Variants in MLXIPL observed in about 807,000 individuals in gnomAD.
MLXIPL encodes MLX interacting protein like.
In MLXIPL, 49 loss-of-function variants were observed where a neutral mutation model predicts 81.5. That is an observed-to-expected ratio of 0.60 (90% CI 0.48 to 0.76). The LOEUF (loss-of-function observed/expected upper bound fraction) is 0.76. MLXIPL is among the 30% of genes least tolerant of loss of function. The pLI is 0.00. For missense variants in MLXIPL, 1,053 were observed against 1,167.0 expected (o/e 0.90, Z 1.42); for synonymous variants, 466 against 485.5 (o/e 0.96, Z 0.53).
intron 2 of MLXIPL, among the ~76,000 whole-genome samples, chr7:73,614,669 T>C (rs1554600410): frequency 1.3e-5 from 2 of 152,142 alleles, no homozygotes; most frequent in African/African-American, 4.8e-5. Context: ...GAGTGGGGTG[T>C]TCCCAAATGA....
At chr7:73,600,908 G>T (rs1417734859) in intron 7 of MLXIPL, among the ~76,000 whole-genome samples, 2 of 151,836 alleles carry the variant, frequency 1.3e-5, no homozygotes, top group African/African-American at 2.4e-5. Context: ...CCTGGGCGCC[G>T]CCCGCCCACC....
chr7:73,646,090 CAG>C, the MLXIPL span, among the ~76,000 whole-genome samples: 10 of 152,262 alleles, frequency 6.6e-5, no homozygotes, highest in South Asian at 2.1e-3. Flanking sequence ...TGGCCCTAAC[CAG>C]AGAGTGAGGA....
Position 73,604,215 on chromosome 7 carries a change from C to CA in MLXIPL, c.901+1472dup, listed in dbSNP as rs55693159. Among the ~76,000 whole-genome samples, 143 of 50,044 alleles carry CA rather than the reference C, an allele frequency of 2.9e-3. 6 individuals are homozygous for CA. Among genetic ancestry groups the CA allele is most frequent in the African/African-American group, 3.0e-3 (35 of 11,556 alleles). The allele number at this position is 50,044 out of a possible 152,430, so 32.8% of individuals were successfully genotyped here. A position where few individuals can be genotyped will look rare whatever the true frequency, so the allele number is the denominator to read the frequency against. On this transcript the variant is annotated intron_variant, in intron 7 of 16. Coordinates refer to ENST00000313375, the MANE Select transcript of MLXIPL (RefSeq NM_032951.3). Reference sequence around the variant, plus strand: ...TGGGTGACAGAGTGAGACTCCGTCTCAAAAAAAAAAAAAAAAAAAAAAAAA... The same window carrying CA: ...TGGGTGACAGAGTGAGACTCCGTCTCAAAAAAAAAAAAAAAAAAAAAAAAAA...
At chr7:73,608,453 G>A (rs1795471308) in intron 2 of MLXIPL, among the ~76,000 whole-genome samples, 2 of 152,088 alleles carry the variant, frequency 1.3e-5, no homozygotes, top group Non-Finnish European at 2.9e-5. Flanking sequence ...CGAGCATGGC[G>A]GCACATGCCT....
rs185055989 is a variant in MLXIPL, at chr7:73,614,754, T to A, written c.400+1317A>T. On this transcript the variant is annotated intron_variant, in intron 2 of 16. Transcript: ENST00000313375. ...AGTGGCAACACCCTGGAATACCTGT[T>A]ATCTCCACACCAACCATGAAAGTTA... 3.6e-4 allele frequency among the ~76,000 whole-genome samples: 55 copies of A among 152,076 alleles called. 1 individual carries two copies. Among genetic ancestry groups the A allele is most frequent in the Non-Finnish European group, 7.4e-5 (5 of 68,020 alleles).
Position 73,606,111 on chromosome 7 carries a change from C to A in MLXIPL, c.619G>T (p.Ala207Ser). Residue 207 changes from alanine to serine, a missense_variant and splice_region_variant, in exon 6 of 17, where the codon GCG (alanine) becomes TCG (serine). Physicochemically the swap from Ala to Ser is moderately conservative, Grantham distance 99. Around this residue, in one of 3 missense-constraint regions of MLXIPL, gnomAD observed 823 missense variants for 933.0 expected, o/e 0.88. Coordinates refer to ENST00000313375, the MANE Select transcript of MLXIPL (RefSeq NM_032951.3). The part of the protein sequence containing the change: ...REDDLLAPKQ[A>S]EGRWPPPEQW... ...TCCGGCGGCGGCCACCTGCCTTCCG[C>A]CTAGGGAGACAGAGCCGTCAGCAGC... is the stretch of plus-strand genomic sequence containing the variant. 1 of 1,571,932 alleles carries A rather than the reference C, an allele frequency of 6.4e-7. No homozygotes were observed. Among genetic ancestry groups the A allele is most frequent in the East Asian group, 2.3e-5 (1 of 42,988 alleles).
intron 15 of MLXIPL, 111 bp from the exon 16 acceptor site, chr7:73,594,514 G>T: frequency 7.3e-7 from 1 of 1,360,842 alleles, no homozygotes; most frequent in Non-Finnish European, 1.0e-6. Context: ...ACTGTCTAAC[G>T]TTGAACCCCA....
At chr7:73,601,527 G>A (rs1421506722) in intron 7 of MLXIPL, among the ~76,000 whole-genome samples, 1 of 152,048 alleles carries the variant, frequency 6.6e-6, no homozygotes, top group African/African-American at 2.4e-5. Flanking sequence ...TGGGAAAGGG[G>A]TGCAGGGCGA....
intron 1 of MLXIPL, among the ~76,000 whole-genome samples, chr7:73,621,411 A>G (rs1281517099): frequency 6.6e-6 from 1 of 150,940 alleles, no homozygotes; most frequent in Non-Finnish European, 1.5e-5. Flanking sequence ...TCTCTGGGTC[A>G]GGCTGGTCCC....
rs781803574 is a variant in MLXIPL, at chr7:73,605,893, C to T, written c.820+17G>A. 1.3e-6 allele frequency: 2 copies of T among 1,573,530 alleles called. No homozygotes were observed. Among genetic ancestry groups the T allele is most frequent in the Middle Eastern group, 1.7e-4 (1 of 6,004 alleles). The stretch of plus-strand genomic sequence containing the variant: ...CAGGCCTTCACCCCTCTCCCCTGCC[C>T]TTTCTCAGACCCTCACCATCCTCAG... On this transcript the variant is annotated intron_variant, in intron 6 of 16. Coordinates refer to ENST00000313375, the MANE Select transcript of MLXIPL (RefSeq NM_032951.3).
In MLXIPL at chr7:73,607,390, G is replaced by A. The variant is rs1475717736; in HGVS notation, c.514C>T (p.Arg172Trp). The change falls in exon 4 of 17, where the codon CGG (arginine) becomes TGG (tryptophan). Residue 172 changes from arginine (R) to tryptophan (W), a missense_variant. By Grantham distance (101) the Arg-to-Trp change is moderately radical. This residue lies in a region of MLXIPL where 823 missense variants were observed against 933.0 expected (regional missense o/e 0.88). Coordinates refer to ENST00000313375, the MANE Select transcript of MLXIPL (RefSeq NM_032951.3). Reference sequence around the variant, plus strand: ...TCCCGCATCACCACCTCGATGCGCCGCTTCCAGTAGTTCCCCTCCAGGACC... The same window carrying A: ...TCCCGCATCACCACCTCGATGCGCCACTTCCAGTAGTTCCCCTCCAGGACC... Reference protein sequence around the residue: ...AVVLEGNYWKRRIEVVMREYH... With the variant: ...AVVLEGNYWKWRIEVVMREYH... The A allele has an allele frequency of 6.4e-7, 1 of 1,562,220 alleles. No individual in the cohort carries two copies. The highest frequency in any genetic ancestry group is 8.7e-7 in the Non-Finnish European group (1 of 1,152,796).
At chr7:73,613,999 C>T (rs1399875408) in intron 2 of MLXIPL, among the ~76,000 whole-genome samples, 15 of 152,152 alleles carry the variant, frequency 9.9e-5, no homozygotes, top group Admixed American at 9.8e-4. Context: ...TGGCGGGTGC[C>T]TGTAATCCCA....
In MLXIPL at chr7:73,596,969, G is replaced by A; in HGVS notation, c.1604-37C>T. On this transcript the variant is annotated intron_variant, in intron 9 of 16. Coordinates refer to ENST00000313375, the MANE Select transcript of MLXIPL (RefSeq NM_032951.3). This position sits in a 1 kb window ranked among gnomAD's most constrained non-coding sequence, Gnocchi z 4.7. ...CAGAACCGTGAGGCTACTGGGGCTG[G>A]CCCACCCCCGGCATCTATCAAGACC... 6.3e-7 allele frequency: 1 copy of A among 1,590,254 alleles called. No individual in the cohort carries two copies. The highest frequency in any genetic ancestry group is 8.5e-7 in the Non-Finnish European group (1 of 1,170,214).
chr7:73,621,544 C>T lies in MLXIPL; in HGVS notation c.293+2656G>A, dbSNP rs114564274. The stretch of plus-strand genomic sequence containing the variant: ...CACTCAGCTCCTGTAATCTGCTCCC[C>T]TCCAGGGGACCCCTGGAACTGGGGG... On this transcript the variant is annotated intron_variant, in intron 1 of 16. Coordinates refer to ENST00000313375, the MANE Select transcript of MLXIPL (RefSeq NM_032951.3). Among the ~76,000 whole-genome samples the T allele has an allele frequency of 5.4e-3, 820 of 152,116 alleles. 9 individuals are homozygous for T. Among genetic ancestry groups the T allele is most frequent in the African/African-American group, 0.019 (769 of 41,518 alleles).
Position 73,593,666 on chromosome 7 carries a change from C to T in MLXIPL, c.*199G>A. ...AGGTCACGGTGCTGGAGCACAGTGG[C>T]AGAGCAGGGACGGGGACTCTGCTCT... On this transcript the variant is annotated 3_prime_UTR_variant, in exon 17 of 17. Coordinates refer to ENST00000313375, the MANE Select transcript of MLXIPL (RefSeq NM_032951.3). 3.5e-6 allele frequency: 2 copies of T among 579,040 alleles called. No homozygotes were observed. Among genetic ancestry groups the T allele is most frequent in the Non-Finnish European group, 6.2e-6 (2 of 320,002 alleles). The allele number at this position is 579,040 out of a possible 1,614,324, so 35.9% of individuals were successfully genotyped here.
chr7:73,602,130 G>GCCTTCCTGCCTGCCTTCCTT (rs1563487261), intron 7 of MLXIPL, among the ~76,000 whole-genome samples: 1 of 80,508 alleles, frequency 1.2e-5, no homozygotes, highest in African/African-American at 5.5e-5. Context: ...CTGCCTGCCT[G>GCCTTCCTGCCTGCCTTCCTT]CCTTCCTTCC....
At chr7:73,632,236 A>G in the MLXIPL span, among the ~76,000 whole-genome samples, 1 of 151,966 alleles carries the variant, frequency 6.6e-6, no homozygotes, top group Non-Finnish European at 1.5e-5. Context: ...TCCTGGGCTC[A>G]AGTGATCCTC....
At chr7:73,639,121 G>A in the MLXIPL span, among the ~76,000 whole-genome samples, 1 of 152,098 alleles carries the variant, frequency 6.6e-6, no homozygotes, top group East Asian at 1.9e-4. Flanking sequence ...AATGTTATTT[G>A]CTCAGAAACT....
rs782306170 is a variant in MLXIPL, at chr7:73,597,170, G to C, written c.1603+12C>G. Reference sequence around the variant, plus strand: ...CTCCCCAGGCTTTCCTCTCCCCGTTGCTGGCCCTCACCTGCTGTGAGCAGC... The same window carrying C: ...CTCCCCAGGCTTTCCTCTCCCCGTTCCTGGCCCTCACCTGCTGTGAGCAGC... On this transcript the variant is annotated intron_variant, in intron 9 of 16. Coordinates refer to ENST00000313375, the MANE Select transcript of MLXIPL (RefSeq NM_032951.3). 1.3e-6 allele frequency: 2 copies of C among 1,594,014 alleles called. No homozygotes were observed. Among genetic ancestry groups the C allele is most frequent in the Non-Finnish European group, 1.7e-6 (2 of 1,171,944 alleles).
Sources: gnomAD v4.1 joint callset for allele counts (sites outside exome capture counted in the v4.1 genomes callset) on GRCh38, gnomAD v4.1.1 for gene constraint, gnomAD v4.1.1 regional missense constraint, Gnocchi (gnomAD v3.1) non-coding constraint, MANE v1.5 for transcripts, NCBI Gene and HGNC (gene_info 2026-07-23, HGNC 2026-07-21) for gene names.